The following GPC6 variants were observed in gnomAD, a reference collection of about 807,000 sequenced individuals.
The protein encoded by GPC6 is glypican-6.
A neutral mutation model predicts 55.2 loss-of-function variants in GPC6; 14 were observed. The observed-to-expected ratio is 0.25, with a 90% CI of 0.17 to 0.40. The LOEUF (loss-of-function observed/expected upper bound fraction) is 0.40, where lower values mean the gene tolerates loss of function less well. GPC6 is among the 10% of genes least tolerant of loss of function. GPC6 has a pLI of 1.00. For synonymous variants in GPC6, 278 were observed against 259.6 expected (o/e 1.07, Z -0.68); for missense variants, 641 against 708.5 (o/e 0.90, Z 1.08).
chr13:93,870,654 T>G (rs1246938547), intron 3 of GPC6, among the ~76,000 whole-genome samples: 1 of 151,696 alleles, frequency 6.6e-6, no homozygotes, highest in Non-Finnish European at 1.5e-5. Context: ...GATGTTAGGG[T>G]TAGTCCAAAT....
intron 4 of GPC6, among the ~76,000 whole-genome samples, chr13:94,087,054 A>G (rs1885310015): frequency 6.6e-6 from 1 of 152,220 alleles, no homozygotes; most frequent in Non-Finnish European, 1.5e-5. Flanking sequence ...ACAAAGAGGT[A>G]AGATTTGGTT....
intron 2 of GPC6, among the ~76,000 whole-genome samples, chr13:93,698,845 A>G (rs1001143681): frequency 4.0e-5 from 6 of 150,718 alleles, no homozygotes; most frequent in African/African-American, 9.8e-5. Context: ...TTTTCTCTCA[A>G]TGCAATTTTG....
At chr13:93,237,110 G>A (rs921903148) in intron 1 of GPC6, among the ~76,000 whole-genome samples, 1 of 152,086 alleles carries the variant, frequency 6.6e-6, no homozygotes, top group Non-Finnish European at 1.5e-5. Context: ...TGGATTGAAT[G>A]GTAGATCTAC....
At chr13:94,242,459 G>A (rs576713841) in intron 4 of GPC6, among the ~76,000 whole-genome samples, 2 of 152,048 alleles carry the variant, frequency 1.3e-5, no homozygotes, top group East Asian at 3.9e-4. Flanking sequence ...GTTTATTGTG[G>A]CACTATTCAC....
intron 4 of GPC6, among the ~76,000 whole-genome samples, chr13:94,200,008 T>G (rs1227001825): frequency 1.3e-5 from 2 of 152,058 alleles, no homozygotes; most frequent in African/African-American, 4.8e-5. Context: ...CATACAAATT[T>G]AGCTGGGTGT....
intron 6 of GPC6, among the ~76,000 whole-genome samples, chr13:94,317,970 G>T (rs1876623917): frequency 6.6e-6 from 1 of 152,066 alleles, no homozygotes; most frequent in Non-Finnish European, 1.5e-5. Context: ...TTACCAAATT[G>T]TAGCCAAAGA....
chr13:93,715,719 A>T (rs947151251), intron 2 of GPC6, among the ~76,000 whole-genome samples: 6 of 151,710 alleles, frequency 4.0e-5, no homozygotes, highest in Non-Finnish European at 8.9e-5. Context: ...TTTTACTTAA[A>T]TTCTGTATTT....
chr13:93,266,298 A>G (rs1272026526), intron 1 of GPC6, among the ~76,000 whole-genome samples: 3 of 152,190 alleles, frequency 2.0e-5, no homozygotes, highest in African/African-American at 7.2e-5. Flanking sequence ...TGCTAAAACA[A>G]TCTCTTACAA....
At chr13:93,975,072 A>G (rs1400759403) in intron 3 of GPC6, among the ~76,000 whole-genome samples, 1 of 152,152 alleles carries the variant, frequency 6.6e-6, no homozygotes, top group East Asian at 1.9e-4. Context: ...GAATTGGTAG[A>G]AATGAAAACT....
intron 7 of GPC6, among the ~76,000 whole-genome samples, chr13:94,395,221 A>C (rs1292979707): frequency 6.6e-6 from 1 of 152,236 alleles, no homozygotes; most frequent in African/African-American, 2.4e-5. Context: ...TAGAAGTTAC[A>C]TCAGGAAAAC....
chr13:93,967,836 TAGATATC>T (rs1880113985), intron 3 of GPC6, among the ~76,000 whole-genome samples: 1 of 152,164 alleles, frequency 6.6e-6, no homozygotes, highest in Admixed American at 6.5e-5. Flanking sequence ...TCTCAGAACA[TAGATATC>T]AGAACTTATT....
intron 4 of GPC6, among the ~76,000 whole-genome samples, chr13:94,141,235 G>A (rs1038878531): frequency 1.3e-5 from 2 of 152,110 alleles, no homozygotes; most frequent in African/African-American, 4.8e-5. Context: ...TTGAAGCGGG[G>A]GCTTATAGGT....
At chr13:94,235,014 T>C (rs1267583432) in intron 4 of GPC6, among the ~76,000 whole-genome samples, 1 of 152,146 alleles carries the variant, frequency 6.6e-6, no homozygotes, top group Non-Finnish European at 1.5e-5. Context: ...GATGGAAAGT[T>C]CTAGAGATCT....
At chr13:93,701,765 C>T (rs1882678767) in intron 2 of GPC6, among the ~76,000 whole-genome samples, 1 of 152,028 alleles carries the variant, frequency 6.6e-6, no homozygotes, top group Non-Finnish European at 1.5e-5. Context: ...CCTCAAGAAA[C>T]CACTCTTTGT....
intron 3 of GPC6, among the ~76,000 whole-genome samples, chr13:93,908,455 TCTC>T (rs1876787823): frequency 6.6e-6 from 1 of 152,180 alleles, no homozygotes; most frequent in Non-Finnish European, 1.5e-5. Flanking sequence ...GGTAAATAAA[TCTC>T]CTAAAGCCAG....
chr13:94,094,603 C>CT (rs1885600315), intron 4 of GPC6, among the ~76,000 whole-genome samples: 1 of 152,030 alleles, frequency 6.6e-6, no homozygotes, highest in Non-Finnish European at 1.5e-5. Flanking sequence ...ATGAACACTG[C>CT]TTTATAAAAG....
At chr13:94,205,603 A>C (rs1208420887) in intron 4 of GPC6, among the ~76,000 whole-genome samples, 1 of 152,202 alleles carries the variant, frequency 6.6e-6, no homozygotes, top group Non-Finnish European at 1.5e-5. Flanking sequence ...TGCCTTGCAA[A>C]GCAGAGATGT....
chr13:93,732,045 G>A (rs1883842931), intron 2 of GPC6, among the ~76,000 whole-genome samples: 1 of 152,044 alleles, frequency 6.6e-6, no homozygotes, highest in Admixed American at 6.6e-5. Flanking sequence ...TCATCCACTC[G>A]AAGCAAAGAA....
At chr13:93,480,652 G>A (rs762623155) in intron 1 of GPC6, among the ~76,000 whole-genome samples, 11 of 152,070 alleles carry the variant, frequency 7.2e-5, no homozygotes, top group Non-Finnish European at 1.2e-4. Flanking sequence ...TGGTCACTCC[G>A]TATTGCCCTG....
Sources: gnomAD v4.1 joint callset for allele counts (sites outside exome capture counted in the v4.1 genomes callset) on GRCh38, gnomAD v4.1.1 for gene constraint, MANE v1.5 for transcripts, NCBI Gene and HGNC (gene_info 2026-07-23, HGNC 2026-07-21) for gene names.